Variants in ADAP1 observed in about 807,000 individuals in gnomAD.
ADAP1 encodes ArfGAP with dual PH domains 1.
Under a neutral mutation model 54.9 loss-of-function variants are expected in ADAP1, and 31 were observed. That is an observed-to-expected ratio of 0.56 (90% CI 0.42 to 0.76). The LOEUF (loss-of-function observed/expected upper bound fraction) is 0.76, where lower values mean the gene tolerates loss of function less well. ADAP1 is among the 30% of genes least tolerant of loss of function. ADAP1 has a pLI of 0.00. For missense variants in ADAP1, 535 were observed against 512.4 expected, an observed-to-expected ratio of 1.04 and a Z score of -0.42; for synonymous variants, 313 against 202.6, an observed-to-expected ratio of 1.55 and a Z score of -4.63.
rs1229326643 is a variant in ADAP1, at chr7:920,366, G to A, written c.306-316C>T. Among the ~76,000 whole-genome samples, 1 of 152,096 alleles carries A rather than the reference G, an allele frequency of 6.6e-6. No individual in the cohort carries two copies. The highest frequency in any genetic ancestry group is 1.5e-5 in the Non-Finnish European group (1 of 67,986). ...CCTTCCCACCTTGGCCTCAGCTGAT[G>A]CCCCACAGGGCTGGGGTACAGGGGT... On this transcript the variant is annotated intron_variant, in intron 3 of 10. Coordinates refer to ENST00000265846, the MANE Select transcript of ADAP1 (RefSeq NM_006869.4). This position sits in a 1 kb window ranked among gnomAD's most constrained non-coding sequence, Gnocchi z 4.5.
chr7:937,711 ATG>A (rs1846821122), intron 1 of ADAP1, among the ~76,000 whole-genome samples: 8 of 74,060 alleles, frequency 1.1e-4, no homozygotes, highest in East Asian at 5.2e-4. Context: ...TTTGGGGGTC[ATG>A]CCCGACCTCT....
At chr7:900,690 C>T in intron 6 of ADAP1, 74 bp from the exon 7 acceptor site, 2 of 1,371,544 alleles carry the variant, frequency 1.5e-6, no homozygotes, top group Non-Finnish European at 2.0e-6. Flanking sequence ...GGGCTGGGGT[C>T]CCCACAGAGG....
rs1216044076 is a variant in ADAP1 at position 905,397 on chromosome 7, GGAGAAAGGAGAAAGGGAGAAA to G, written c.389-246_389-226del. ...GAAAGGAGAAAGGAGAAAGGAGAAA[GGAGAAAGGAGAAAGGGAGAAA>G]GAGAAAGGAGAAAGGAGAAAGGGAG... is the stretch of plus-strand genomic sequence containing the variant. On this transcript the variant is annotated intron_variant, in intron 4 of 10. Coordinates refer to ENST00000265846, the MANE Select transcript of ADAP1 (RefSeq NM_006869.4). The G allele has an allele frequency of 9.4e-4, 221 of 235,730 alleles. 48 individuals carry two copies. The highest frequency in any genetic ancestry group is 1.2e-3 in the Non-Finnish European group (172 of 140,146). The allele number at this position is 235,730 out of a possible 1,614,324, so 14.6% of individuals were successfully genotyped here. A position where few individuals can be genotyped will look rare whatever the true frequency, so the allele number is the denominator to read the frequency against.
chr7:918,516 G>A (rs541226048), intron 4 of ADAP1, among the ~76,000 whole-genome samples: 64 of 152,244 alleles, frequency 4.2e-4, no homozygotes, highest in African/African-American at 1.4e-3. Flanking sequence ...CTCGTGTTCC[G>A]CCATTCCAGG....
intron 4 of ADAP1, among the ~76,000 whole-genome samples, chr7:911,371 C>T (rs1845714961): frequency 6.6e-6 from 1 of 152,184 alleles, no homozygotes; most frequent in African/African-American, 2.4e-5. Flanking sequence ...GTGGATGCCC[C>T]CATCCCCGCC....
chr7:917,684 G>A (rs1009901747), intron 4 of ADAP1, among the ~76,000 whole-genome samples: 2 of 152,136 alleles, frequency 1.3e-5, no homozygotes, highest in South Asian at 2.1e-4. Flanking sequence ...GATTGGTCTC[G>A]AACTCGTGGT....
rs551184254 is a variant in ADAP1, at chr7:903,885, G to A, written c.648+241C>T. 103 of 477,332 alleles carry A rather than the reference G, an allele frequency of 2.2e-4. 1 individual carries two copies. Among genetic ancestry groups the A allele is most frequent in the Middle Eastern group, 1.2e-3 (2 of 1,714 alleles). The allele number at this position is 477,332 out of a possible 1,614,324, so 29.6% of individuals were successfully genotyped here. A position where few individuals can be genotyped will look rare whatever the true frequency, so the allele number is the denominator to read the frequency against. The stretch of plus-strand genomic sequence containing the variant: ...TGGTGATCCGGCTCCTGGGCAGCCC[G>A]GCCCTGGGAAGCTGCCTTCCTGCAC... On this transcript the variant is annotated intron_variant, in intron 6 of 10. Coordinates refer to ENST00000265846, the MANE Select transcript of ADAP1 (RefSeq NM_006869.4).
chr7:906,360 GGAGAAAGA>G (rs140502223), intron 4 of ADAP1, among the ~76,000 whole-genome samples: 40 of 924 alleles, frequency 0.043, 16 homozygotes, highest in African/African-American at 0.27. Context: ...AAGGAGAAAG[GGAGAAAGA>G]GAAAGGAGAA....
In ADAP1 at chr7:901,889, C is replaced by T. The variant is rs186927586; in HGVS notation, c.649-1273G>A. ...CCTTGGGAATTCACAGCTCCAGGTC[C>T]CCCGGAAATGCAGGGGGCTCTAAGC... is the stretch of plus-strand genomic sequence containing the variant. On this transcript the variant is annotated intron_variant, in intron 6 of 10. Coordinates refer to ENST00000265846, the MANE Select transcript of ADAP1 (RefSeq NM_006869.4). 2.2e-3 allele frequency among the ~76,000 whole-genome samples: 328 copies of T among 152,106 alleles called. 3 individuals are homozygous for T. The highest frequency in any genetic ancestry group is 7.3e-3 in the African/African-American group (301 of 41,468).
At position 926,202 on chromosome 7, in the gene ADAP1, C is replaced by T. The variant is rs950469003; in HGVS notation, c.305+351G>A. 1.2e-4 allele frequency among the ~76,000 whole-genome samples: 15 copies of T among 126,728 alleles called. No homozygotes were observed. In the East Asian group the frequency reaches 3.2e-3, roughly 27 times the overall value. The allele number at this position is 126,728 out of a possible 152,430, so 83.1% of individuals were successfully genotyped here. A position where few individuals can be genotyped will look rare whatever the true frequency, so the allele number is the denominator to read the frequency against. On this transcript the variant is annotated intron_variant, in intron 3 of 10. Transcript: ENST00000265846. This position sits in a 1 kb window ranked among gnomAD's most constrained non-coding sequence, Gnocchi z 4.6. ...CGCCCTGAGGAGCCAGGGCAGGCCCCGAAACAACAGCCGCCCCTCCCGTTC... is the reference window on the plus strand; with the variant it reads ...CGCCCTGAGGAGCCAGGGCAGGCCCTGAAACAACAGCCGCCCCTCCCGTTC...
At chr7:943,873 A>G (rs182944394) in intron 1 of ADAP1, among the ~76,000 whole-genome samples, 30 of 151,026 alleles carry the variant, frequency 2.0e-4, no homozygotes, top group African/African-American at 7.1e-4. Context: ...GGAGGAAGAG[A>G]GAGAAGAGGA....
intron 1 of ADAP1, among the ~76,000 whole-genome samples, chr7:953,797 C>CG (rs1334585698): frequency 2.0e-5 from 3 of 152,342 alleles, no homozygotes; most frequent in Non-Finnish European, 4.4e-5. Flanking sequence ...GGAGAACGAA[C>CG]GGGCGGGCGG....
intron 1 of ADAP1, among the ~76,000 whole-genome samples, chr7:953,832 G>A (rs1847324764): frequency 6.6e-6 from 1 of 152,218 alleles, no homozygotes; most frequent in African/African-American, 2.4e-5. Context: ...CCTGCGTCCG[G>A]CCCCACCTCT....
chr7:952,586 C>T (rs1368842722), intron 1 of ADAP1, among the ~76,000 whole-genome samples: 1 of 152,192 alleles, frequency 6.6e-6, no homozygotes, highest in African/African-American at 2.4e-5. Context: ...ACCGCCTGTT[C>T]CACCCTGTGG....
intron 6 of ADAP1, among the ~76,000 whole-genome samples, chr7:901,552 C>A (rs1333163358): frequency 6.6e-6 from 1 of 152,200 alleles, no homozygotes; most frequent in African/African-American, 2.4e-5. Flanking sequence ...GGCCCAGCAC[C>A]AGCTGGAGGA....
At chr7:939,684 A>T (rs1846888153) in intron 1 of ADAP1, among the ~76,000 whole-genome samples, 1 of 151,910 alleles carries the variant, frequency 6.6e-6, no homozygotes, top group Non-Finnish European at 1.5e-5. Context: ...TACAAAAATT[A>T]GCCGGGCGTG....
chr7:922,492 C>A (rs868826199), intron 3 of ADAP1, among the ~76,000 whole-genome samples: 2 of 152,182 alleles, frequency 1.3e-5, no homozygotes, highest in Admixed American at 6.5e-5. Context: ...CCCAAGATGC[C>A]ATGGGAGACC....
chr7:921,668 G>T (rs929018629), intron 3 of ADAP1, among the ~76,000 whole-genome samples: 1 of 152,168 alleles, frequency 6.6e-6, no homozygotes, highest in Non-Finnish European at 1.5e-5. Context: ...ACTTTAACAC[G>T]TCTTTTCGGG....
chr7:932,952 G>A (rs966512901), intron 2 of ADAP1, among the ~76,000 whole-genome samples: 4 of 152,144 alleles, frequency 2.6e-5, no homozygotes, highest in African/African-American at 7.2e-5. Context: ...GCACAAAGGT[G>A]CAATCACAAC....
Sources: allele counts gnomAD v4.1 joint callset (sites outside exome capture counted in the v4.1 genomes callset), GRCh38; gene constraint gnomAD v4.1.1; non-coding constraint Gnocchi (gnomAD v3.1); transcripts MANE v1.5; gene names NCBI Gene and HGNC (gene_info 2026-07-23, HGNC 2026-07-21).